The following AGTR1 variants were observed in gnomAD, a reference collection of about 807,000 sequenced individuals.
AGTR1 encodes type-1 angiotensin II receptor.
AGTR1 carries 16 observed loss-of-function variants against 19.4 expected under a neutral mutation model. That is an observed-to-expected ratio of 0.82 (90% confidence interval 0.56 to 1.25). AGTR1 has a LOEUF of 1.25. Among genes scored for constraint, AGTR1 ranks in the 50% most tolerant of loss-of-function variants. The probability of loss-of-function intolerance (pLI) is 0.00; values close to 1 mark genes in which losing one functional copy is unlikely to be tolerated. For synonymous variants in AGTR1, 153 were observed against 154.9 expected, an observed-to-expected ratio of 0.99 and a Z score of 0.09; for missense variants, 373 against 431.9, an observed-to-expected ratio of 0.86 and a Z score of 1.21.
At chr3:148,703,924 C>T (rs1712503791) in intron 1 of AGTR1, among the ~76,000 whole-genome samples, 1 of 151,692 alleles carries the variant, frequency 6.6e-6, no homozygotes, top group South Asian at 2.1e-4. Context: ...CTAGAAATTC[C>T]TTCTTTAACT....
rs745868057 is a variant in AGTR1 at position 148,741,289 on chromosome 3, C to T, written c.254C>T (p.Ala85Val). 1 of 1,612,930 alleles carries T rather than the reference C, an allele frequency of 6.2e-7. No individual in the cohort carries two copies. The highest frequency in any genetic ancestry group is 8.5e-7 in the Non-Finnish European group (1 of 1,180,018). Residue 85 changes from alanine (A) to valine (V), a missense_variant, in exon 3 of 3, where the codon GCT (alanine) becomes GTT (valine). Physicochemically the swap from Ala to Val is moderately conservative, Grantham distance 64. Coordinates refer to ENST00000349243, the MANE Select transcript of AGTR1 (RefSeq NM_000685.5). ...TTTTTACTGACTTTGCCACTATGGG[C>T]TGTCTACACAGCTATGGAATACCGC... The part of the protein sequence containing the change: ...LCFLLTLPLW[A>V]VYTAMEYRWP...
Position 148,741,959 on chromosome 3 carries a change from A to T in AGTR1, c.924A>T (p.Lys308Asn), listed in dbSNP as rs1413395918. 2.5e-6 allele frequency: 4 copies of T among 1,613,846 alleles called. No homozygotes were observed. The South Asian group carries it at 3.3e-5, about 13-fold the overall frequency. Reference protein sequence around the residue: ...NPLFYGFLGKKFKRYFLQLLK... With the variant: ...NPLFYGFLGKNFKRYFLQLLK... ...TTTTTTATGGCTTTCTGGGGAAAAAATTTAAAAGATATTTTCTCCAGCTTC... is the reference window on the plus strand; with the variant it reads ...TTTTTTATGGCTTTCTGGGGAAAAATTTTAAAAGATATTTTCTCCAGCTTC... Residue 308 changes from lysine (K) to asparagine (N), a missense_variant, in exon 3 of 3, where the codon AAA (lysine) becomes AAT (asparagine). Lys to Asn is a moderately conservative substitution (Grantham distance 94, BLOSUM62 0). Transcript: ENST00000349243.
Position 148,741,631 on chromosome 3 carries a change from A to G in AGTR1, c.596A>G (p.Lys199Arg). ...STLPIGLGLTKNILGFLFPFL... is the reference protein window; with the variant it reads ...STLPIGLGLTRNILGFLFPFL... ...CTCCCGATAGGGCTGGGCCTGACCAAAAATATACTGGGTTTCCTGTTTCCT... is the reference window on the plus strand; with the variant it reads ...CTCCCGATAGGGCTGGGCCTGACCAGAAATATACTGGGTTTCCTGTTTCCT... The change falls in exon 3 of 3, where the codon AAA becomes AGA. Residue 199 changes from lysine to arginine, a missense_variant. Coordinates refer to ENST00000349243, the MANE Select transcript of AGTR1 (RefSeq NM_000685.5). 6.2e-7 allele frequency: 1 copy of G among 1,614,154 alleles called. No individual in the cohort carries two copies. The highest frequency in any genetic ancestry group is 8.5e-7 in the Non-Finnish European group (1 of 1,180,018).
intron 1 of AGTR1, among the ~76,000 whole-genome samples, chr3:148,704,097 C>T (rs112695448): frequency 2.6e-5 from 4 of 152,162 alleles, no homozygotes; most frequent in African/African-American, 9.6e-5. Flanking sequence ...TATGGTGGCT[C>T]AGACCTGTAA....
rs1434001031 is a variant in AGTR1 at position 148,741,094 on chromosome 3, A to G, written c.59A>G (p.Lys20Arg). The G allele has an allele frequency of 6.2e-7, 1 of 1,614,132 alleles. No individual in the cohort carries two copies. The highest frequency in any genetic ancestry group is 8.5e-7 in the Non-Finnish European group (1 of 1,179,968). The change falls in exon 3 of 3, where the codon AAA becomes AGA. Residue 20 changes from lysine (K) to arginine (R), a missense_variant. Physicochemically the swap from Lys to Arg is conservative, Grantham distance 26 (BLOSUM62 2). Coordinates refer to ENST00000349243, the MANE Select transcript of AGTR1 (RefSeq NM_000685.5). ...AAAAGAATCCAAGATGATTGTCCCA[A>G]AGCTGGAAGGCATAATTACATATTT... ...GIKRIQDDCP[K>R]AGRHNYIFVM...
intron 2 of AGTR1, among the ~76,000 whole-genome samples, chr3:148,721,305 G>A (rs1285138642): frequency 1.3e-5 from 2 of 152,106 alleles, no homozygotes; most frequent in East Asian, 1.9e-4. Context: ...TGACTCCATC[G>A]ATTAATCATT....
intron 2 of AGTR1, among the ~76,000 whole-genome samples, chr3:148,732,942 G>A (rs1189903155): frequency 2.6e-5 from 4 of 151,280 alleles, no homozygotes; most frequent in East Asian, 2.0e-4. Context: ...GGGTTTCACC[G>A]TTTTAGCCGG....
chr3:148,738,366 C>A (rs1028745755), intron 2 of AGTR1, among the ~76,000 whole-genome samples: 1 of 151,752 alleles, frequency 6.6e-6, no homozygotes, highest in African/African-American at 2.4e-5. Flanking sequence ...ATTATTAATT[C>A]TTTTTCTAAG....
At position 148,735,976 on chromosome 3, in the gene AGTR1, T is replaced by C. The variant is rs373375450; in HGVS notation, c.-47-5013T>C. ...ATTATTCCAAAATATAATTACTTGGTCATTTAGTTCTCTCTTTATTATCAT... is the reference window on the plus strand; with the variant it reads ...ATTATTCCAAAATATAATTACTTGGCCATTTAGTTCTCTCTTTATTATCAT... On this transcript the variant is annotated intron_variant, in intron 2 of 2. Coordinates refer to ENST00000349243, the MANE Select transcript of AGTR1 (RefSeq NM_000685.5). 2.2e-4 allele frequency among the ~76,000 whole-genome samples: 34 copies of C among 152,262 alleles called. 1 individual carries two copies. The South Asian group carries it at 7.0e-3, about 32-fold the overall frequency.
At chr3:148,698,472 AT>A (rs1189285544) in intron 1 of AGTR1, among the ~76,000 whole-genome samples, 2 of 152,182 alleles carry the variant, frequency 1.3e-5, no homozygotes, top group Non-Finnish European at 2.9e-5. Context: ...TAACTCTTGT[AT>A]TTTAGCCATC....
intron 2 of AGTR1, among the ~76,000 whole-genome samples, chr3:148,740,328 AG>A (rs1382646298): frequency 9.9e-5 from 15 of 152,218 alleles, no homozygotes; most frequent in Non-Finnish European, 2.1e-4. Context: ...CTGAATTGGA[AG>A]TTAAAGAGTA....
chr3:148,722,837 C>G (rs1713722840), intron 2 of AGTR1, among the ~76,000 whole-genome samples: 1 of 152,194 alleles, frequency 6.6e-6, no homozygotes, highest in African/African-American at 2.4e-5. Flanking sequence ...ATATGGAAGT[C>G]AGCATTTTTG....
At chr3:148,735,838 G>C (rs1714543192) in intron 2 of AGTR1, among the ~76,000 whole-genome samples, 1 of 152,096 alleles carries the variant, frequency 6.6e-6, no homozygotes, top group South Asian at 2.1e-4. Context: ...GAACAATAAA[G>C]ACAACAGTTT....
chr3:148,709,084 G>A (rs1395168456), intron 2 of AGTR1, among the ~76,000 whole-genome samples: 1 of 152,066 alleles, frequency 6.6e-6, no homozygotes, highest in Non-Finnish European at 1.5e-5. Flanking sequence ...TTCTGTCAAT[G>A]GATATCTTTA....
chr3:148,710,354 A>G (rs781549607), intron 2 of AGTR1, among the ~76,000 whole-genome samples: 18 of 152,140 alleles, frequency 1.2e-4, no homozygotes, highest in Non-Finnish European at 1.9e-4. Flanking sequence ...GTGCTTTTCT[A>G]AAGTTGCAGT....
intron 2 of AGTR1, among the ~76,000 whole-genome samples, chr3:148,712,547 C>T (rs988075123): frequency 4.6e-5 from 7 of 152,156 alleles, no homozygotes; most frequent in African/African-American, 1.7e-4. Context: ...TGCACCTTTG[C>T]TCCTCAGTAA....
intron 2 of AGTR1, among the ~76,000 whole-genome samples, chr3:148,715,177 G>A (rs1492103): frequency 0.87 from 132,780 of 152,212 alleles, 58,336 homozygotes; most frequent in African/African-American, 0.97. Context: ...AGATAATCTG[G>A]ATGAGAGAAA....
chr3:148,717,845 T>C (rs1430021098), intron 2 of AGTR1, among the ~76,000 whole-genome samples: 12 of 152,340 alleles, frequency 7.9e-5, no homozygotes, highest in Non-Finnish European at 1.5e-4. Context: ...ATTTTGATTA[T>C]GTAGCCAAGC....
At chr3:148,740,848 T>C in intron 2 of AGTR1, 141 bp from the exon 3 acceptor site, 1 of 717,606 alleles carries the variant, frequency 1.4e-6, no homozygotes, top group Non-Finnish European at 2.2e-6. Flanking sequence ...TTCACAGTGT[T>C]TCCTTAAGAA....
Sources: gnomAD v4.1 joint callset for allele counts (sites outside exome capture counted in the v4.1 genomes callset) on GRCh38, gnomAD v4.1.1 for gene constraint, MANE v1.5 for transcripts, NCBI Gene and HGNC (gene_info 2026-07-23, HGNC 2026-07-21) for gene names.